ALDH3A2: variants seen among roughly 807,000 people sequenced by gnomAD.
The protein encoded by ALDH3A2 is aldehyde dehydrogenase 3 family member A2, also known as aldehyde dehydrogenase family 3 member A2.
A neutral mutation model predicts 51.3 loss-of-function variants in ALDH3A2; 36 were observed. The observed-to-expected ratio is 0.70, with a 90% CI of 0.54 to 0.93. The LOEUF is 0.93. Among genes scored for constraint, ALDH3A2 ranks in the 40% least tolerant of loss-of-function variants. ALDH3A2 has a pLI of 0.00. For missense variants in ALDH3A2, 552 were observed against 603.1 expected, an observed-to-expected ratio of 0.92 and a Z score of 0.89; for synonymous variants, 199 against 219.8, an observed-to-expected ratio of 0.91 and a Z score of 0.84.
intron 6 of ALDH3A2, 22 bp from the exon 7 acceptor site, chr17:19,663,311 A>G: frequency 6.2e-7 from 1 of 1,612,858 alleles, no homozygotes. Context: ...AAGCATTTTC[A>G]TTTTGTTTAT....
chr17:19,664,329 G>A (rs576712710), intron 7 of ALDH3A2, among the ~76,000 whole-genome samples: 1 of 152,272 alleles, frequency 6.6e-6, no homozygotes, highest in East Asian at 1.9e-4. Context: ...CCCAGCAGTG[G>A]GTCACCCGAG....
rs2085202595 is a variant in ALDH3A2 at position 19,677,139 on chromosome 17, G to A, written c.*1567G>A. On this transcript the variant is annotated 3_prime_UTR_variant, in exon 10 of 10. Coordinates refer to ENST00000176643, the MANE Select transcript of ALDH3A2 (RefSeq NM_000382.3). ...GACAGAGCAGGGCAGGCAGTTCTAT[G>A]CCTTGGAGCTCCTGACTGCAGGGAC... 6.6e-6 allele frequency: 1 copy of A among 152,228 alleles called. No homozygotes were observed. Among genetic ancestry groups the A allele is most frequent in the Non-Finnish European group, 1.5e-5 (1 of 68,042 alleles). 9.4% of individuals were successfully genotyped at this position (152,228 alleles called of 1,614,324 possible). A position where few individuals can be genotyped will look rare whatever the true frequency, so the allele number is the denominator to read the frequency against.
intron 1 of ALDH3A2, 133 bp downstream of exon 1, chr17:19,649,257 T>C (rs2084781540): frequency 1.5e-6 from 2 of 1,292,000 alleles, no homozygotes; most frequent in African/African-American, 3.0e-5. Flanking sequence ...TCTCCAGCGA[T>C]ACAGATAAAG....
At chr17:19,651,474 T>C in intron 1 of ALDH3A2, 73 bp from the exon 2 acceptor site, 1 of 1,235,794 alleles carries the variant, frequency 8.1e-7, no homozygotes, top group Non-Finnish European at 1.2e-6. Flanking sequence ...GTACCTGGTG[T>C]GAGTGTTCTG....
intron 8 of ALDH3A2, among the ~76,000 whole-genome samples, chr17:19,670,840 C>T (rs1196247756): frequency 3.3e-5 from 5 of 152,136 alleles, no homozygotes; most frequent in African/African-American, 1.2e-4. Context: ...GGATTACAGG[C>T]GTGAGCCACC....
chr17:19,673,301 T>C, intron 9 of ALDH3A2: 1 of 1,612,610 alleles, frequency 6.2e-7, no homozygotes, highest in South Asian at 1.1e-5. Context: ...TTTCTTTCTA[T>C]ATGTAAGGTG....
Position 19,654,617 on chromosome 17 carries a change from GC to G in ALDH3A2, c.472-1746del. 6.6e-6 allele frequency among the ~76,000 whole-genome samples: 1 copy of G among 152,198 alleles called. No individual in the cohort carries two copies. Among genetic ancestry groups the G allele is most frequent in the East Asian group, 1.9e-4 (1 of 5,154 alleles). On this transcript the variant is annotated intron_variant, in intron 3 of 9. Coordinates refer to ENST00000176643, the MANE Select transcript of ALDH3A2 (RefSeq NM_000382.3). This position sits in a 1 kb window ranked among gnomAD's most constrained non-coding sequence, Gnocchi z 4.5. ...GCCGGCCAGCTGCTCCGAGTGTGGG[GC>G]CCATTGAGCCTGCGCCCACCCAGAA...
intron 8 of ALDH3A2, among the ~76,000 whole-genome samples, 193 bp from the exon 9 acceptor site, chr17:19,671,528 G>A (rs1197331484): frequency 6.6e-6 from 1 of 152,222 alleles, no homozygotes; most frequent in Non-Finnish European, 1.5e-5. Context: ...AAAGCATCCT[G>A]TTTGACAGGG....
intron 5 of ALDH3A2, among the ~76,000 whole-genome samples, chr17:19,660,640 A>AGTT (rs1222054825): frequency 2.6e-5 from 4 of 152,260 alleles, no homozygotes; most frequent in African/African-American, 9.6e-5. Context: ...CCAAAACAAC[A>AGTT]AAGTGGAGCA....
chr17:19,675,659 C>T lies in ALDH3A2; in HGVS notation c.*87C>T. On this transcript the variant is annotated 3_prime_UTR_variant, in exon 10 of 10. Transcript: ENST00000176643. ...TGAACCAATAATTTTTAAATCATAC[C>T]AAAAATAGTAAGAAAATATGCAAAC... The T allele has an allele frequency of 7.3e-7, 1 of 1,361,424 alleles. No homozygotes were observed. Among genetic ancestry groups the T allele is most frequent in the Non-Finnish European group, 1.1e-6 (1 of 951,556 alleles). 84.3% of individuals were successfully genotyped at this position (1,361,424 alleles called of 1,614,324 possible). A position where few individuals can be genotyped will look rare whatever the true frequency, so the allele number is the denominator to read the frequency against.
At chr17:19,649,156 C>T (rs1567595650) in intron 1 of ALDH3A2, 32 bp downstream of exon 1, 1 of 1,543,088 alleles carries the variant, frequency 6.5e-7, no homozygotes, top group South Asian at 1.2e-5. Flanking sequence ...TGTGGGGAAA[C>T]TGGCCCCCGC....
rs886052694 is a variant in ALDH3A2 at position 19,676,011 on chromosome 17, G to C, written c.*439G>C. On this transcript the variant is annotated 3_prime_UTR_variant, in exon 10 of 10. Coordinates refer to ENST00000176643, the MANE Select transcript of ALDH3A2 (RefSeq NM_000382.3). The stretch of plus-strand genomic sequence containing the variant: ...TACCGGCAGTCCTCTGTAGTCCAGA[G>C]AGGTGAGATTAGATCTTCTTGGTTC... The C allele has an allele frequency of 4.7e-6, 1 of 212,738 alleles. No homozygotes were observed. Among genetic ancestry groups the C allele is most frequent in the Non-Finnish European group, 9.5e-6 (1 of 105,554 alleles). The allele number at this position is 212,738 out of a possible 1,614,324, so 13.2% of individuals were successfully genotyped here.
At chr17:19,672,769 G>C (rs1380488679) in intron 9 of ALDH3A2, among the ~76,000 whole-genome samples, 1 of 152,074 alleles carries the variant, frequency 6.6e-6, no homozygotes, top group South Asian at 2.1e-4. Flanking sequence ...GGGGGCCGGC[G>C]CAGTGGCTCA....
intron 8 of ALDH3A2, among the ~76,000 whole-genome samples, chr17:19,668,561 C>G (rs117918589): frequency 6.6e-5 from 10 of 152,176 alleles, no homozygotes; most frequent in Non-Finnish European, 1.3e-4. Context: ...GCCTGTGTGG[C>G]TTTTTGTTTT....
rs1426507616 is a variant in ALDH3A2, at chr17:19,651,458, A to G, written c.154-89A>G. The G allele has an allele frequency of 3.7e-6, 4 of 1,093,420 alleles. No individual in the cohort carries two copies. The African/African-American group carries it at 4.6e-5, about 13-fold the overall frequency. 67.7% of individuals were successfully genotyped at this position (1,093,420 alleles called of 1,614,324 possible). On this transcript the variant is annotated intron_variant, in intron 1 of 9. Coordinates refer to ENST00000176643, the MANE Select transcript of ALDH3A2 (RefSeq NM_000382.3). ...TCTGATAATGCCAGTTGTTGTCACTACAGGTGTACCTGGTGTGAGTGTTCT... is the reference window on the plus strand; with the variant it reads ...TCTGATAATGCCAGTTGTTGTCACTGCAGGTGTACCTGGTGTGAGTGTTCT...
At chr17:19,661,603 T>G (rs1281154812) in intron 6 of ALDH3A2, among the ~76,000 whole-genome samples, 1 of 152,212 alleles carries the variant, frequency 6.6e-6, no homozygotes, top group Admixed American at 6.5e-5. Flanking sequence ...AGGAAATAGC[T>G]TGGCCACTAT....
chr17:19,673,535 T>TGG (rs1442607317), intron 9 of ALDH3A2, among the ~76,000 whole-genome samples: 1 of 151,948 alleles, frequency 6.6e-6, no homozygotes, highest in Non-Finnish European at 1.5e-5. Flanking sequence ...CTGGCCAACA[T>TGG]GGTGAAACCC....
At position 19,648,847 on chromosome 17, in the gene ALDH3A2, G is replaced by A; in HGVS notation, c.-125G>A. 1 of 1,302,762 alleles carries A rather than the reference G, an allele frequency of 7.7e-7. No homozygotes were observed. Among genetic ancestry groups the A allele is most frequent in the Non-Finnish European group, 1.1e-6 (1 of 944,682 alleles). 80.7% of individuals were successfully genotyped at this position (1,302,762 alleles called of 1,614,324 possible). Reference sequence around the variant, plus strand: ...CCTGGGCGAGTGAATTGTGGCTGTGGGTTGACGGTGGAGACACCCCCCGGA... The same window carrying A: ...CCTGGGCGAGTGAATTGTGGCTGTGAGTTGACGGTGGAGACACCCCCCGGA... On this transcript the variant is annotated 5_prime_UTR_variant, in exon 1 of 10. Transcript: ENST00000176643.
At chr17:19,657,621 A>T in intron 4 of ALDH3A2, 124 bp from the exon 5 acceptor site, 1 of 785,562 alleles carries the variant, frequency 1.3e-6, no homozygotes, top group Non-Finnish European at 2.2e-6. Context: ...ACTTTTTTAT[A>T]AAAATTGCCA....
Sources: allele counts gnomAD v4.1 joint callset (sites outside exome capture counted in the v4.1 genomes callset), GRCh38; gene constraint gnomAD v4.1.1; non-coding constraint Gnocchi (gnomAD v3.1); transcripts MANE v1.5; gene names NCBI Gene and HGNC (gene_info 2026-07-23, HGNC 2026-07-21).